DLG2: variants seen among roughly 807,000 people sequenced by gnomAD.
DLG2 encodes disks large homolog 2.
Under a neutral mutation model 132.5 loss-of-function variants are expected in DLG2, and 45 were observed. That is an observed-to-expected ratio of 0.34 (90% confidence interval 0.27 to 0.44). DLG2 has a LOEUF of 0.44. Ranked by LOEUF, DLG2 falls within the 20% of genes least tolerant of loss-of-function variation. DLG2 has a pLI of 1.00. For missense variants in DLG2, 1,045 were observed against 1,196.9 expected (o/e 0.87, Z 1.87); for synonymous variants, 424 against 419.6 (o/e 1.01, Z -0.13).
chr11:84,370,819 G>C (rs1478139535), intron 7 of DLG2, among the ~76,000 whole-genome samples: 1 of 152,072 alleles, frequency 6.6e-6, no homozygotes, highest in African/African-American at 2.4e-5. Flanking sequence ...CAGACTGAAA[G>C]GAACCAAAGT....
chr11:84,843,560 AG>A (rs1005168529), intron 6 of DLG2, among the ~76,000 whole-genome samples: 2 of 151,922 alleles, frequency 1.3e-5, no homozygotes. Flanking sequence ...AGTTGGTTCC[AG>A]GAACCCTCCC....
At chr11:84,700,161 T>C (rs374829292) in intron 6 of DLG2, among the ~76,000 whole-genome samples, 1 of 151,776 alleles carries the variant, frequency 6.6e-6, no homozygotes, top group East Asian at 1.9e-4. Context: ...GGTGAAACCT[T>C]ACAGTGTTCA....
chr11:84,711,031 T>TATATAG (rs200669410), intron 6 of DLG2, among the ~76,000 whole-genome samples: 12 of 124,804 alleles, frequency 9.6e-5, no homozygotes, highest in South Asian at 6.9e-4. Context: ...TATATATATA[T>TATATAG]AGAGCTGAAA....
In DLG2 at chr11:84,912,288, T is replaced by C. The variant is rs1173244195; in HGVS notation, c.357+199373A>G. Among the ~76,000 whole-genome samples the C allele has an allele frequency of 2.0e-5, 3 of 152,292 alleles. No homozygotes were observed. The East Asian group carries it at 5.8e-4, about 29-fold the overall frequency. ...CTCCTGCCTCAGCCTCCCGAGTAGG[T>C]GAGCCTACAGGCACCCGCCACCACG... On this transcript the variant is annotated intron_variant, in intron 6 of 27. Transcript: ENST00000376104.
At chr11:85,017,164 C>A (rs1040544871) in intron 6 of DLG2, among the ~76,000 whole-genome samples, 1 of 152,112 alleles carries the variant, frequency 6.6e-6, no homozygotes, top group East Asian at 1.9e-4. Context: ...ATATCATTGA[C>A]ATCTTCCTCT....
chr11:85,513,926 G>A (rs1042581625), intron 3 of DLG2, among the ~76,000 whole-genome samples: 1 of 151,844 alleles, frequency 6.6e-6, no homozygotes, highest in Admixed American at 6.6e-5. Context: ...GTCATCTTCT[G>A]TTCCCCATCC....
intron 6 of DLG2, among the ~76,000 whole-genome samples, chr11:84,916,440 G>C (rs150957595): frequency 6.9e-6 from 1 of 145,548 alleles, no homozygotes; most frequent in African/African-American, 2.5e-5. Context: ...TAATACAGCA[G>C]AGCTGAAAAC....
At chr11:85,063,666 T>C (rs1018956097) in intron 6 of DLG2, among the ~76,000 whole-genome samples, 2 of 151,902 alleles carry the variant, frequency 1.3e-5, no homozygotes, top group Non-Finnish European at 2.9e-5. Context: ...CTAACTTGCG[T>C]GCAGCTAAAT....
intron 6 of DLG2, among the ~76,000 whole-genome samples, chr11:84,606,913 A>G (rs567939452): frequency 2.0e-5 from 3 of 152,250 alleles, no homozygotes; most frequent in Non-Finnish European, 2.9e-5. Flanking sequence ...CGCATGTACC[A>G]GTCTCTACTT....
chr11:85,319,084 T>C (rs1252812592), intron 3 of DLG2, among the ~76,000 whole-genome samples: 1 of 151,920 alleles, frequency 6.6e-6, no homozygotes, highest in Admixed American at 6.6e-5. Flanking sequence ...CAAATGACTC[T>C]ATCTGTAACT....
At chr11:84,630,317 C>T (rs1594290998) in intron 6 of DLG2, among the ~76,000 whole-genome samples, 1 of 152,246 alleles carries the variant, frequency 6.6e-6, no homozygotes, top group African/African-American at 2.4e-5. Context: ...GACATTTCTC[C>T]ACCCCTGTTT....
intron 6 of DLG2, chr11:84,545,643 T>G: frequency 3.4e-6 from 1 of 298,106 alleles, no homozygotes; most frequent in Non-Finnish European, 6.6e-6. Flanking sequence ...TCATGGTCCT[T>G]AAGAGTTACA....
At chr11:85,340,200 T>G (rs1361100228) in intron 3 of DLG2, among the ~76,000 whole-genome samples, 1 of 152,204 alleles carries the variant, frequency 6.6e-6, no homozygotes, top group Non-Finnish European at 1.5e-5. Context: ...ATATGTTTAT[T>G]GTGGCACTAT....
intron 3 of DLG2, among the ~76,000 whole-genome samples, chr11:85,556,724 C>A (rs1488077695): frequency 1.3e-5 from 2 of 151,790 alleles, no homozygotes; most frequent in African/African-American, 4.8e-5. Flanking sequence ...CACCTATGTT[C>A]ACCAGGTAAT....
chr11:83,872,945 T>C (rs576836530), intron 16 of DLG2, among the ~76,000 whole-genome samples: 2 of 152,296 alleles, frequency 1.3e-5, no homozygotes, highest in East Asian at 3.9e-4. Flanking sequence ...TCTAGTACCA[T>C]CCCAAACAGC....
chr11:83,868,099 G>A (rs184404161), intron 16 of DLG2, among the ~76,000 whole-genome samples: 1 of 152,122 alleles, frequency 6.6e-6, no homozygotes, highest in Non-Finnish European at 1.5e-5. Context: ...GGGGGACAGC[G>A]ATGGTCAGAG....
At chr11:83,899,545 A>C (rs2072806829) in intron 15 of DLG2, among the ~76,000 whole-genome samples, 1 of 152,166 alleles carries the variant, frequency 6.6e-6, no homozygotes, top group African/African-American at 2.4e-5. Flanking sequence ...GGTCTTTCCC[A>C]TGCCTTTCTC....
chr11:85,562,273 G>A (rs1360335351), intron 3 of DLG2, among the ~76,000 whole-genome samples: 1 of 151,716 alleles, frequency 6.6e-6, no homozygotes, highest in Non-Finnish European at 1.5e-5. Flanking sequence ...TTTCACCCTA[G>A]AGTCCTTGTA....
intron 7 of DLG2, among the ~76,000 whole-genome samples, chr11:84,269,700 A>T (rs949623997): frequency 6.6e-6 from 1 of 152,220 alleles, no homozygotes; most frequent in Non-Finnish European, 1.5e-5. Flanking sequence ...TGAACGAATG[A>T]ATTAATAGTA....
Sources: allele counts gnomAD v4.1 joint callset (sites outside exome capture counted in the v4.1 genomes callset), GRCh38; gene constraint gnomAD v4.1.1; transcripts MANE v1.5; gene names NCBI Gene and HGNC (gene_info 2026-07-23, HGNC 2026-07-21).